CLEC2B: variants seen among roughly 807,000 people sequenced by gnomAD.
The protein encoded by CLEC2B is C-type lectin domain family 2 member B, also known as C-type (calcium dependent, carbohydrate-recognition domain) lectin, superfamily member 2 (activation-induced).
Under a neutral mutation model 16.2 loss-of-function variants are expected in CLEC2B, and 14 were observed. The ratio of observed to expected loss-of-function variants is 0.86; its 90% confidence interval spans 0.57 to 1.35. The LOEUF is 1.35. Among genes scored for constraint, CLEC2B ranks in the 40% most tolerant of loss-of-function variants. The pLI, the probability that CLEC2B is intolerant of heterozygous loss-of-function variation, is 0.00. For missense variants in CLEC2B, 166 were observed against 182.3 expected (o/e 0.91, Z 0.52); for synonymous variants, 42 against 55.8 (o/e 0.75, Z 1.10).
intron 4 of CLEC2B, among the ~76,000 whole-genome samples, chr12:9,853,846 A>G (rs1370533197): frequency 2.0e-5 from 3 of 152,202 alleles, no homozygotes; most frequent in Non-Finnish European, 4.4e-5. Flanking sequence ...AGTACAAAAT[A>G]TCAGTAGTGT....
intron 1 of CLEC2B, among the ~76,000 whole-genome samples, chr12:9,866,580 T>A (rs911415004): frequency 2.6e-5 from 4 of 152,174 alleles, no homozygotes; most frequent in Non-Finnish European, 5.9e-5. Context: ...GTCCTGTTTT[T>A]AAATATTTTA....
At chr12:9,858,536 T>C (rs936427348) in intron 2 of CLEC2B, among the ~76,000 whole-genome samples, 1 of 151,964 alleles carries the variant, frequency 6.6e-6, no homozygotes, top group African/African-American at 2.4e-5. Context: ...TTCAATATCA[T>C]TCACTTTAAA....
In CLEC2B at chr12:9,852,707, AAACACATACGGTGTGTGATCT is replaced by A. The variant is rs1374048388; in HGVS notation, c.*572_*592del. On this transcript the variant is annotated 3_prime_UTR_variant, in exon 5 of 5. Coordinates refer to ENST00000228438, the MANE Select transcript of CLEC2B (RefSeq NM_005127.3). ...TTTCTTTTGGGTAAAGCCAGTTAGCAAACACATACGGTGTGTGATCTCCTCCTCACCTTCACTCTTAAAGCC... is the reference window on the plus strand; with the variant it reads ...TTTCTTTTGGGTAAAGCCAGTTAGCACCTCCTCACCTTCACTCTTAAAGCC... Among the ~76,000 whole-genome samples the A allele has an allele frequency of 6.6e-6, 1 of 152,154 alleles. No individual in the cohort carries two copies. Among genetic ancestry groups the A allele is most frequent in the East Asian group, 1.9e-4 (1 of 5,200 alleles).
At chr12:9,862,064 A>G (rs965090681) in intron 2 of CLEC2B, among the ~76,000 whole-genome samples, 1 of 152,118 alleles carries the variant, frequency 6.6e-6, no homozygotes, top group African/African-American at 2.4e-5. Flanking sequence ...GACATTGAAA[A>G]ATCACACAAG....
chr12:9,854,199 C>T (rs1248506481), intron 4 of CLEC2B, among the ~76,000 whole-genome samples, 182 bp downstream of exon 4: 2 of 152,124 alleles, frequency 1.3e-5, no homozygotes, highest in Admixed American at 6.6e-5. Flanking sequence ...TGTTCCCTTA[C>T]ATCTTAATTT....
chr12:9,854,636 C>A, intron 3 of CLEC2B, 152 bp from the exon 4 acceptor site: 1 of 526,532 alleles, frequency 1.9e-6, no homozygotes, highest in Non-Finnish European at 3.3e-6. Context: ...TGAAAAAGTA[C>A]TTTATTTTTC....
intron 1 of CLEC2B, among the ~76,000 whole-genome samples, chr12:9,868,307 T>C (rs1313934102): frequency 1.3e-5 from 2 of 152,054 alleles, no homozygotes. Context: ...CCATCAAATA[T>C]TGATCTCATT....
intron 2 of CLEC2B, among the ~76,000 whole-genome samples, chr12:9,860,401 A>T (rs1867924728): frequency 6.6e-6 from 1 of 151,956 alleles, no homozygotes; most frequent in African/African-American, 2.4e-5. Context: ...TAATGAAAAT[A>T]CTTCTATGCT....
At chr12:9,854,550 C>T in intron 3 of CLEC2B, 66 bp from the exon 4 acceptor site, 1 of 1,045,222 alleles carries the variant, frequency 9.6e-7, no homozygotes, top group Middle Eastern at 2.0e-4. Context: ...CTGTGTACCT[C>T]TTGTTTCGTA....
chr12:9,859,936 G>A (rs1241407131), intron 2 of CLEC2B, among the ~76,000 whole-genome samples: 3 of 151,450 alleles, frequency 2.0e-5, no homozygotes, highest in Admixed American at 6.6e-5. Flanking sequence ...TATTAGCAGA[G>A]AAAAGAAAGT....
At chr12:9,860,262 CTG>C (rs1218095880) in intron 2 of CLEC2B, among the ~76,000 whole-genome samples, 3 of 151,370 alleles carry the variant, frequency 2.0e-5, no homozygotes, top group Admixed American at 6.6e-5. Context: ...GCAAAAGAAA[CTG>C]AAGAAAATTT....
intron 4 of CLEC2B, among the ~76,000 whole-genome samples, chr12:9,853,640 A>C (rs376677103): frequency 4.1e-4 from 62 of 152,342 alleles, no homozygotes; most frequent in African/African-American, 1.4e-3. Flanking sequence ...TGGAGCTATC[A>C]GTTCGTATAA....
At chr12:9,867,164 T>C (rs1044532648) in intron 1 of CLEC2B, 2 of 152,174 alleles carry the variant, frequency 1.3e-5, no homozygotes, top group African/African-American at 4.8e-5. Context: ...TGGAAACTGA[T>C]GAATGGAGAC....
In CLEC2B at chr12:9,853,027, C is replaced by T. The variant is rs1469289256; in HGVS notation, c.*273G>A. Reference sequence around the variant, plus strand: ...CTAAGTGCTATGTCTGTCCTTGATCCCCACAATTGTTTTCTGGTTTACAGT... The same window carrying T: ...CTAAGTGCTATGTCTGTCCTTGATCTCCACAATTGTTTTCTGGTTTACAGT... On this transcript the variant is annotated 3_prime_UTR_variant, in exon 5 of 5. Transcript: ENST00000228438. 2 of 218,334 alleles carry T rather than the reference C, an allele frequency of 9.2e-6. No individual in the cohort carries two copies. The highest frequency in any genetic ancestry group is 6.4e-5 in the Admixed American group (1 of 15,698). The allele number at this position is 218,334 out of a possible 1,614,324, so 13.5% of individuals were successfully genotyped here.
At chr12:9,857,707 G>T in intron 2 of CLEC2B, 70 bp from the exon 3 acceptor site, 2 of 1,185,030 alleles carry the variant, frequency 1.7e-6, no homozygotes, top group East Asian at 2.4e-5. Context: ...TGAGATCACT[G>T]GACACAGGTT....
intron 2 of CLEC2B, among the ~76,000 whole-genome samples, chr12:9,860,513 G>A (rs948775295): frequency 6.6e-6 from 1 of 151,650 alleles, no homozygotes. Context: ...AGAAATTACG[G>A]AACACCGAAT....
intron 1 of CLEC2B, 135 bp from the exon 2 acceptor site, chr12:9,862,708 A>T: frequency 1.3e-6 from 1 of 749,506 alleles, no homozygotes; most frequent in Non-Finnish European, 1.8e-6. Context: ...GCAATATCCT[A>T]GAATTCAAAT....
intron 4 of CLEC2B, 51 bp downstream of exon 4, chr12:9,854,330 A>G: frequency 8.2e-7 from 1 of 1,216,712 alleles, no homozygotes; most frequent in Non-Finnish European, 1.2e-6. Flanking sequence ...TAAGTCCTAG[A>G]GAAGGCTGCA....
At chr12:9,853,492 TA>T (rs1315705713) in intron 4 of CLEC2B, 84 bp from the exon 5 acceptor site, 2 of 1,016,548 alleles carry the variant, frequency 2.0e-6, no homozygotes, top group African/African-American at 3.1e-5. Context: ...TCTACTTGTC[TA>T]AAGTGCTGCA....
Sources: gnomAD v4.1 joint callset for allele counts (sites outside exome capture counted in the v4.1 genomes callset) on GRCh38, gnomAD v4.1.1 for gene constraint, MANE v1.5 for transcripts, NCBI Gene and HGNC (gene_info 2026-07-23, HGNC 2026-07-21) for gene names.